Variants in BRI3 observed in about 807,000 individuals in gnomAD.
BRI3 encodes membrane protein BRI3.
A neutral mutation model predicts 12.8 loss-of-function variants in BRI3; 6 were observed. The observed-to-expected ratio is 0.47, with a 90% confidence interval of 0.26 to 0.93. The LOEUF (loss-of-function observed/expected upper bound fraction) is 0.93. Ranked by LOEUF, BRI3 falls within the 40% of genes least tolerant of loss-of-function variation. The pLI, the probability that BRI3 is intolerant of heterozygous loss-of-function variation, is 0.15. For synonymous variants in BRI3, 91 were observed against 76.1 expected, an observed-to-expected ratio of 1.20 and a Z score of -1.02; for missense variants, 134 against 171.1, an observed-to-expected ratio of 0.78 and a Z score of 1.21.
At chr7:98,284,950 G>C (rs1162221686) in intron 2 of BRI3, among the ~76,000 whole-genome samples, 1 of 152,172 alleles carries the variant, frequency 6.6e-6, no homozygotes, top group Non-Finnish European at 1.5e-5. Flanking sequence ...CTTTGCTGGG[G>C]GTGTGGTTGT....
At chr7:98,298,473 C>A (rs1394566943) in intron 1 of BRI3, among the ~76,000 whole-genome samples, 1 of 152,064 alleles carries the variant, frequency 6.6e-6, no homozygotes, top group South Asian at 2.1e-4. Context: ...CTTAGCCAGG[C>A]GTAGTGGCGG....
chr7:98,290,351 G>A (rs1044002671), intron 2 of BRI3, among the ~76,000 whole-genome samples: 36 of 150,168 alleles, frequency 2.4e-4, no homozygotes, highest in African/African-American at 8.1e-4. Context: ...GCCCGCCACC[G>A]CGCCCGGCTA....
upstream of BRI3, among the ~76,000 whole-genome samples, chr7:98,306,263 C>T (rs1277903672): frequency 1.3e-5 from 2 of 152,026 alleles, no homozygotes; most frequent in Admixed American, 6.6e-5. Flanking sequence ...CAGCAAAGCT[C>T]GGGGACAACA....
the BRI3 span, chr7:98,315,625 A>AAAAAAATAAT: frequency 8.8e-7 from 1 of 1,130,960 alleles, no homozygotes; most frequent in African/African-American, 1.7e-5. Flanking sequence ...AAAAAAAAAA[A>AAAAAAATAAT]AATAATAATA....
the BRI3 span, among the ~76,000 whole-genome samples, chr7:98,322,214 G>A: frequency 2.6e-5 from 4 of 152,058 alleles, no homozygotes; most frequent in Non-Finnish European, 4.4e-5. Context: ...CTATGGCCTC[G>A]GCTATGATCA....
the BRI3 span, among the ~76,000 whole-genome samples, chr7:98,318,505 C>T: frequency 6.6e-6 from 1 of 151,946 alleles, no homozygotes; most frequent in African/African-American, 2.4e-5. Context: ...TGGTCTCGAA[C>T]TCCTGACCTT....
chr7:98,293,091 A>G (rs1470204000), downstream of BRI3: 4 of 551,606 alleles, frequency 7.3e-6, no homozygotes, highest in African/African-American at 4.0e-5. Context: ...AACTTACGTG[A>G]TATCTTCTTT....
At chr7:98,312,187 G>A, downstream of BRI3, 3 of 1,614,130 alleles carry the variant, frequency 1.9e-6, no homozygotes, top group Non-Finnish European at 2.5e-6. Flanking sequence ...TCATATTCAT[G>A]ATTTTCTCTG....
At chr7:98,307,996 C>T in exon 2 of BRI3, 1 of 1,134,710 alleles carries the variant, frequency 8.8e-7, no homozygotes, top group Non-Finnish European at 1.3e-6. Flanking sequence ...TCTCATCTTG[C>T]CAACAATGCT....
At chr7:98,286,896 G>A (rs937347896) in intron 2 of BRI3, among the ~76,000 whole-genome samples, 1 of 152,246 alleles carries the variant, frequency 6.6e-6, no homozygotes, top group Non-Finnish European at 1.5e-5. Context: ...TCAAGTGACA[G>A]CGAGTTCTGC....
downstream of BRI3, chr7:98,292,250 C>T (rs540708758): frequency 3.1e-5 from 8 of 260,050 alleles, no homozygotes; most frequent in Admixed American, 4.9e-5. Context: ...CCCAGCAACA[C>T]ACACGGTGAG....
chr7:98,322,499 A>C, the BRI3 span, among the ~76,000 whole-genome samples: 1 of 152,146 alleles, frequency 6.6e-6, no homozygotes, highest in Non-Finnish European at 1.5e-5. Flanking sequence ...TGGGGATAGG[A>C]GGCCATCATC....
downstream of BRI3, among the ~76,000 whole-genome samples, chr7:98,313,674 A>G (rs1800961779): frequency 6.6e-6 from 1 of 152,144 alleles, no homozygotes; most frequent in Non-Finnish European, 1.5e-5. Flanking sequence ...GCTGGAGTGC[A>G]CTGGCACAAT....
At position 98,291,420 on chromosome 7, in the gene BRI3, C is replaced by T. The variant is rs1404587713; in HGVS notation, c.*177C>T. ...TGGAGAGGCAGTGCTGCTGCTCCCG[C>T]CCGAGGCTCATGACAACTCAATAAA... On this transcript the variant is annotated 3_prime_UTR_variant, in exon 3 of 3. Coordinates refer to ENST00000297290, the MANE Select transcript of BRI3 (RefSeq NM_015379.5). 6.3e-6 allele frequency: 9 copies of T among 1,435,404 alleles called. No individual in the cohort carries two copies. Among genetic ancestry groups the T allele is most frequent in the Non-Finnish European group, 2.7e-6 (3 of 1,095,476 alleles). 88.9% of individuals were successfully genotyped at this position (1,435,404 alleles called of 1,614,324 possible).
downstream of BRI3, chr7:98,292,851 A>C: frequency 6.9e-7 from 1 of 1,451,940 alleles, no homozygotes; most frequent in Non-Finnish European, 9.1e-7. Flanking sequence ...GCGACTCCTA[A>C]CTACCAAGAA....
intron 1 of BRI3, chr7:98,306,809 G>T: frequency 2.5e-6 from 1 of 397,604 alleles, no homozygotes; most frequent in Non-Finnish European, 4.6e-6. Flanking sequence ...ATGGGCTCAA[G>T]CAATCCCCCT....
At chr7:98,282,809 C>T (rs1645644305) in intron 2 of BRI3, 3 of 231,488 alleles carry the variant, frequency 1.3e-5, no homozygotes, top group Admixed American at 5.3e-5. Flanking sequence ...TTTTCCTTCA[C>T]TTTCCGCAAG....
chr7:98,308,158 A>G (rs868487599), exon 2 of BRI3: 8 of 614,672 alleles, frequency 1.3e-5, no homozygotes, highest in African/African-American at 1.3e-4. Flanking sequence ...TTCCAGGCCC[A>G]AGGACAAGGC....
In BRI3 at chr7:98,281,906, C is replaced by CCCG; in HGVS notation, c.120_122dup (p.Pro41dup). ...GCTACGGCGCCATCCCCGCCGCGCC[C>CCCG]CCGCCGCCGCCCTACCCCTACCTCG... On this transcript the variant is annotated inframe_insertion, in exon 1 of 3. Coordinates refer to ENST00000297290, the MANE Select transcript of BRI3 (RefSeq NM_015379.5). The CCCG allele has an allele frequency of 1.5e-6, 2 of 1,297,352 alleles. No individual in the cohort carries two copies. Among genetic ancestry groups the CCCG allele is most frequent in the Non-Finnish European group, 2.0e-6 (2 of 1,022,986 alleles). 80.4% of individuals were successfully genotyped at this position (1,297,352 alleles called of 1,614,324 possible).
Sources: gnomAD v4.1 joint callset for allele counts (sites outside exome capture counted in the v4.1 genomes callset) on GRCh38, gnomAD v4.1.1 for gene constraint, MANE v1.5 for transcripts, NCBI Gene and HGNC (gene_info 2026-07-23, HGNC 2026-07-21) for gene names.